The following STIM1 variants were observed in gnomAD, a reference collection of about 807,000 sequenced individuals.
STIM1 encodes the protein stromal interaction molecule 1.
STIM1 carries 25 observed loss-of-function variants against 74.7 expected under a neutral mutation model. The observed-to-expected ratio is 0.33, with a 90% CI of 0.24 to 0.47. STIM1 has a LOEUF of 0.47. Among genes scored for constraint, STIM1 ranks in the 20% least tolerant of loss-of-function variants. STIM1 has a pLI of 1.00. For synonymous variants in STIM1, 328 were observed against 348.8 expected (o/e 0.94, Z 0.66); for missense variants, 728 against 920.8 (o/e 0.79, Z 2.71).
At chr11:4,009,889 C>T (rs990423863) in intron 2 of STIM1, among the ~76,000 whole-genome samples, 1 of 152,028 alleles carries the variant, frequency 6.6e-6, no homozygotes, top group Non-Finnish European at 1.5e-5. Context: ...CACGGCTTAC[C>T]GCAACCTTAA....
intron 3 of STIM1, among the ~76,000 whole-genome samples, chr11:4,048,047 C>T (rs942748170): frequency 2.0e-5 from 3 of 152,138 alleles, no homozygotes; most frequent in African/African-American, 7.2e-5. Flanking sequence ...TCTCGATCCC[C>T]TGACCTCATG....
intron 3 of STIM1, among the ~76,000 whole-genome samples, chr11:4,047,614 T>G (rs1334203827): frequency 2.0e-5 from 3 of 150,052 alleles, no homozygotes; most frequent in Non-Finnish European, 4.4e-5. Context: ...AGACCCTTTT[T>G]CAAACAAAAC....
At chr11:3,862,487 C>T (rs963578098) in intron 1 of STIM1, among the ~76,000 whole-genome samples, 1 of 152,128 alleles carries the variant, frequency 6.6e-6, no homozygotes, top group Non-Finnish European at 1.5e-5. Flanking sequence ...TATCCACCAC[C>T]TCACCTTCAC....
At chr11:3,890,665 G>A (rs1040424598) in intron 1 of STIM1, among the ~76,000 whole-genome samples, 4 of 152,110 alleles carry the variant, frequency 2.6e-5, no homozygotes, top group Non-Finnish European at 4.4e-5. Flanking sequence ...CCGAGATCAC[G>A]CCACTGCACT....
chr11:3,866,322 T>C (rs149894429), intron 1 of STIM1, among the ~76,000 whole-genome samples: 1 of 152,314 alleles, frequency 6.6e-6, no homozygotes, highest in East Asian at 1.9e-4. Context: ...TAATTCTAGC[T>C]GTGAGATACT....
chr11:3,935,693 G>A (rs796592267), intron 1 of STIM1, among the ~76,000 whole-genome samples: 5 of 152,326 alleles, frequency 3.3e-5, no homozygotes, highest in African/African-American at 4.8e-5. Context: ...TGGCTGGAGC[G>A]TGGAAGAAGT....
At chr11:3,997,483 T>A (rs894575608) in intron 2 of STIM1, among the ~76,000 whole-genome samples, 1 of 151,888 alleles carries the variant, frequency 6.6e-6, no homozygotes, top group East Asian at 1.9e-4. Context: ...ATCGAAACCC[T>A]GTCTCTAAAA....
At chr11:4,004,357 A>G (rs1379676636) in intron 2 of STIM1, among the ~76,000 whole-genome samples, 1 of 151,928 alleles carries the variant, frequency 6.6e-6, no homozygotes, top group Non-Finnish European at 1.5e-5. Context: ...TACAGTAACC[A>G]AAACAGCATG....
intron 5 of STIM1, among the ~76,000 whole-genome samples, chr11:4,060,274 A>C (rs894457): frequency 0.84 from 127,895 of 152,176 alleles, 55,620 homozygotes; most frequent in East Asian, 0.95. Flanking sequence ...ACCAAACAGG[A>C]TCTTAGGGCC....
intron 1 of STIM1, among the ~76,000 whole-genome samples, chr11:3,917,609 A>G (rs1435628058): frequency 6.6e-6 from 1 of 151,810 alleles, no homozygotes; most frequent in Non-Finnish European, 1.5e-5. Context: ...TAATTTTTGC[A>G]TTTTTTGTAG....
At chr11:3,900,557 T>C (rs1361456764) in intron 1 of STIM1, among the ~76,000 whole-genome samples, 1 of 152,222 alleles carries the variant, frequency 6.6e-6, no homozygotes, top group Non-Finnish European at 1.5e-5. Flanking sequence ...GCCAGAGCTG[T>C]TCCTATTCGG....
chr11:3,951,295 A>G (rs1210500593), intron 1 of STIM1, among the ~76,000 whole-genome samples: 2 of 152,200 alleles, frequency 1.3e-5, no homozygotes, highest in African/African-American at 2.4e-5. Context: ...TGACTGCAAC[A>G]TTGTTTAGTA....
At position 4,021,410 on chromosome 11, in the gene STIM1, G is replaced by A. The variant is rs376482188; in HGVS notation, c.271-2463G>A. ...CAAAGTGCTGGGATTACAGGCATGA[G>A]CCACCGTGCCCGGCCCCCAGTACAG... On this transcript the variant is annotated intron_variant, in intron 2 of 12. Coordinates refer to ENST00000526596, the MANE Select transcript of STIM1 (RefSeq NM_001382567.1). Among the ~76,000 whole-genome samples, 26 of 152,362 alleles carry A rather than the reference G, an allele frequency of 1.7e-4. No homozygotes were observed. In the South Asian group the frequency reaches 3.7e-3, roughly 22 times the overall value.
chr11:4,069,270 A>G (rs2094388308), intron 5 of STIM1, among the ~76,000 whole-genome samples: 1 of 152,114 alleles, frequency 6.6e-6, no homozygotes, highest in African/African-American at 2.4e-5. Context: ...CTTGTTTAAC[A>G]TTTAAATTTT....
intron 2 of STIM1, among the ~76,000 whole-genome samples, chr11:3,971,477 C>T (rs1191123546): frequency 1.3e-5 from 2 of 151,886 alleles, no homozygotes; most frequent in African/African-American, 4.8e-5. Context: ...TGCAGTGAGC[C>T]GAGATCGCAA....
chr11:4,074,967 C>T (rs1433234745), intron 7 of STIM1, among the ~76,000 whole-genome samples: 1 of 152,000 alleles, frequency 6.6e-6, no homozygotes, highest in Non-Finnish European at 1.5e-5. Context: ...GGTGAAAGCC[C>T]ATCTCTATTA....
Position 4,091,885 on chromosome 11 carries a change from C to A in STIM1, c.*87C>A. The stretch of plus-strand genomic sequence containing the variant: ...CCTCCCTTCCTTCAAGATAACTGGC[C>A]CCAAGAGTGGGGCATGGGAAGGGCT... On this transcript the variant is annotated 3_prime_UTR_variant, in exon 13 of 13. Coordinates refer to ENST00000526596, the MANE Select transcript of STIM1 (RefSeq NM_001382567.1). 1 of 1,563,952 alleles carries A rather than the reference C, an allele frequency of 6.4e-7. No homozygotes were observed. Among genetic ancestry groups the A allele is most frequent in the Non-Finnish European group, 8.6e-7 (1 of 1,156,722 alleles).
At chr11:3,864,160 T>C (rs1405259910) in intron 1 of STIM1, among the ~76,000 whole-genome samples, 1 of 152,216 alleles carries the variant, frequency 6.6e-6, no homozygotes, top group Non-Finnish European at 1.5e-5. Context: ...TGACCTCAGC[T>C]CCAGCTGTAC....
At chr11:4,043,430 C>T (rs2094163929) in intron 3 of STIM1, among the ~76,000 whole-genome samples, 1 of 152,108 alleles carries the variant, frequency 6.6e-6, no homozygotes, top group Non-Finnish European at 1.5e-5. Flanking sequence ...CCTTTACCTC[C>T]GTAAGTAGTC....
Sources: allele counts gnomAD v4.1 joint callset (sites outside exome capture counted in the v4.1 genomes callset), GRCh38; gene constraint gnomAD v4.1.1; transcripts MANE v1.5; gene names NCBI Gene and HGNC (gene_info 2026-07-23, HGNC 2026-07-21).